Variants in TCF12 observed in about 807,000 individuals in gnomAD.
TCF12 encodes transcription factor 12, also known as DNA-binding protein HTF4.
TCF12 carries 45 observed loss-of-function variants against 86.0 expected under a neutral mutation model. That is an observed-to-expected ratio of 0.52 (90% CI 0.41 to 0.67). TCF12 has a LOEUF of 0.67. TCF12 is among the 30% of genes least tolerant of loss of function. The pLI is 0.00. For missense variants in TCF12, 881 were observed against 859.9 expected (o/e 1.02, Z -0.31); for synonymous variants, 330 against 299.6 (o/e 1.10, Z -1.05).
chr15:57,094,567 T>G (rs1567410078), intron 5 of TCF12, among the ~76,000 whole-genome samples: 1 of 152,240 alleles, frequency 6.6e-6, no homozygotes, highest in East Asian at 1.9e-4. Flanking sequence ...GGCCGTTTGT[T>G]AATTTAAGGG....
intron 5 of TCF12, among the ~76,000 whole-genome samples, chr15:57,098,420 C>T (rs1432919887): frequency 6.6e-6 from 1 of 152,132 alleles, no homozygotes; most frequent in Non-Finnish European, 1.5e-5. Context: ...GAGTACCTTC[C>T]TCCATCTTTT....
rs550669020 is a variant in TCF12 at position 57,102,525 on chromosome 15, G to T, written c.325+10634G>T. Among the ~76,000 whole-genome samples the T allele has an allele frequency of 7.9e-5, 12 of 152,012 alleles. No homozygotes were observed. The South Asian group carries it at 8.3e-4, about 11-fold the overall frequency. On this transcript the variant is annotated intron_variant, in intron 5 of 20. Transcript: ENST00000333725. ...AGACAGAAGAATCACTTGAACCCAG[G>T]AGGCAGAGGTTGCAGTGAGCCAAGA...
intron 12 of TCF12, among the ~76,000 whole-genome samples, chr15:57,237,648 T>G (rs1358271516): frequency 2.6e-5 from 4 of 152,218 alleles, no homozygotes; most frequent in Non-Finnish European, 5.9e-5. Context: ...TACCCCCATT[T>G]TTTTAAGTAA....
At chr15:57,113,792 A>G (rs1020752907) in intron 5 of TCF12, among the ~76,000 whole-genome samples, 29 of 40,388 alleles carry the variant, frequency 7.2e-4, no homozygotes, top group African/African-American at 6.0e-3. Flanking sequence ...AAAAAAAAAA[A>G]AAAAAAAATT....
In TCF12 at chr15:57,247,578, TA is replaced by T. The variant is rs1187667289; in HGVS notation, c.1115-3770del. 3 of 868,980 alleles carry T rather than the reference TA, an allele frequency of 3.5e-6. No individual in the cohort carries two copies. In the South Asian group the frequency reaches 3.9e-5, roughly 11 times the overall value. 53.8% of individuals were successfully genotyped at this position (868,980 alleles called of 1,614,324 possible). On this transcript the variant is annotated intron_variant, in intron 13 of 20. Coordinates refer to ENST00000333725, the MANE Select transcript of TCF12 (RefSeq NM_207037.2). ...TTTTTTCCACTCTGCCTGTCTTCCA[TA>T]ACTTCTGCGGTTTCAATCTTGCCAT...
chr15:57,176,603 G>A (rs1361759358), intron 6 of TCF12, among the ~76,000 whole-genome samples: 3 of 152,140 alleles, frequency 2.0e-5, no homozygotes, highest in African/African-American at 7.2e-5. Flanking sequence ...GATAGCTGAG[G>A]AACCTGAAGC....
intron 3 of TCF12, among the ~76,000 whole-genome samples, chr15:57,045,212 CTA>C (rs1207616851): frequency 2.6e-5 from 4 of 152,168 alleles, no homozygotes; most frequent in African/African-American, 7.2e-5. Context: ...TAGGCAGAAC[CTA>C]TGTTTCCTTT....
chr15:56,960,324 C>T (rs1629841), intron 3 of TCF12, among the ~76,000 whole-genome samples: 29 of 152,040 alleles, frequency 1.9e-4, no homozygotes, highest in Admixed American at 1.4e-3. Context: ...GAAAGTCCTA[C>T]GAAATGTTTG....
intron 5 of TCF12, among the ~76,000 whole-genome samples, chr15:57,151,314 C>G (rs955337639): frequency 6.6e-6 from 1 of 151,824 alleles, no homozygotes; most frequent in African/African-American, 2.4e-5. Flanking sequence ...AAGAAAAATA[C>G]AGTATCTGAA....
chr15:57,062,543 T>C (rs561336530), intron 3 of TCF12, among the ~76,000 whole-genome samples: 1 of 152,326 alleles, frequency 6.6e-6, no homozygotes, highest in African/African-American at 2.4e-5. Context: ...TAGTAATTAG[T>C]ACATTCTACT....
At chr15:57,025,904 G>A (rs1596185205) in intron 3 of TCF12, among the ~76,000 whole-genome samples, 1 of 152,198 alleles carries the variant, frequency 6.6e-6, no homozygotes, top group African/African-American at 2.4e-5. Context: ...AGGGTCACTC[G>A]TCAACTGTAG....
At chr15:57,179,713 G>C (rs754305092) in intron 6 of TCF12, among the ~76,000 whole-genome samples, 5 of 152,304 alleles carry the variant, frequency 3.3e-5, no homozygotes, top group Non-Finnish European at 5.9e-5. Context: ...AAGTTGGCTA[G>C]TGGTGGCTGG....
chr15:57,245,001 T>C (rs12912868), intron 13 of TCF12, among the ~76,000 whole-genome samples: 59,825 of 152,110 alleles, frequency 0.39, 14,661 homozygotes, highest in Non-Finnish European at 0.54. Context: ...AGAAAAAATA[T>C]GTTAGATTGT....
At chr15:56,955,912 T>C (rs1415053323) in intron 3 of TCF12, among the ~76,000 whole-genome samples, 2 of 152,190 alleles carry the variant, frequency 1.3e-5, no homozygotes, top group East Asian at 3.9e-4. Context: ...TTTGAATCTC[T>C]GTCTTTAAGT....
chr15:57,193,444 A>G (rs567775841), intron 7 of TCF12, among the ~76,000 whole-genome samples: 1 of 152,350 alleles, frequency 6.6e-6, no homozygotes, highest in African/African-American at 2.4e-5. Context: ...TATGTCTTAC[A>G]CATAGCCTAA....
chr15:57,181,124 A>G (rs1213456035), intron 6 of TCF12, among the ~76,000 whole-genome samples: 1 of 151,874 alleles, frequency 6.6e-6, no homozygotes, highest in Non-Finnish European at 1.5e-5. Flanking sequence ...GATGCTAATA[A>G]TTTTTGACCT....
At chr15:56,976,528 A>G (rs1344645538) in intron 3 of TCF12, among the ~76,000 whole-genome samples, 1 of 151,938 alleles carries the variant, frequency 6.6e-6, no homozygotes, top group Non-Finnish European at 1.5e-5. Context: ...TTTTTATAGA[A>G]CTATTACAGC....
At chr15:57,155,316 G>T (rs1285979079) in intron 5 of TCF12, among the ~76,000 whole-genome samples, 1 of 152,074 alleles carries the variant, frequency 6.6e-6, no homozygotes, top group Non-Finnish European at 1.5e-5. Flanking sequence ...TAATATGTAA[G>T]ATTTTTATTT....
At chr15:57,077,581 T>C (rs1396284013) in intron 4 of TCF12, among the ~76,000 whole-genome samples, 1 of 151,972 alleles carries the variant, frequency 6.6e-6, no homozygotes, top group Non-Finnish European at 1.5e-5. Flanking sequence ...CTGCCGCCAC[T>C]GCACCTGCCT....
Sources: gnomAD v4.1 joint callset for allele counts (sites outside exome capture counted in the v4.1 genomes callset) on GRCh38, gnomAD v4.1.1 for gene constraint, MANE v1.5 for transcripts, NCBI Gene and HGNC (gene_info 2026-07-23, HGNC 2026-07-21) for gene names.